The following BBS9 variants were observed in gnomAD, a reference collection of about 807,000 sequenced individuals.
BBS9 encodes protein PTHB1.
In BBS9, 89 loss-of-function variants were observed where a neutral mutation model predicts 117.7. The ratio of observed to expected loss-of-function variants is 0.76; its 90% CI spans 0.64 to 0.90. BBS9 has a LOEUF of 0.90. Ranked by LOEUF, BBS9 falls within the 40% of genes least tolerant of loss-of-function variation. The pLI is 0.00. For missense variants in BBS9, 982 were observed against 1,042.2 expected, an observed-to-expected ratio of 0.94 and a Z score of 0.80; for synonymous variants, 379 against 370.9, an observed-to-expected ratio of 1.02 and a Z score of -0.25.
At chr7:33,387,059 T>C (rs1826165940) in intron 18 of BBS9, among the ~76,000 whole-genome samples, 1 of 152,222 alleles carries the variant, frequency 6.6e-6, no homozygotes. Flanking sequence ...TTGCACAGCA[T>C]TGCATATCAG....
chr7:33,174,465 A>G (rs1197702855), intron 4 of BBS9, among the ~76,000 whole-genome samples: 1 of 152,254 alleles, frequency 6.6e-6, no homozygotes, highest in Non-Finnish European at 1.5e-5. Flanking sequence ...GTGCAGCCAC[A>G]TAGTAGAAGA....
At chr7:33,336,363 T>G in intron 9 of BBS9, 78 bp from the exon 10 acceptor site, 1 of 1,074,758 alleles carries the variant, frequency 9.3e-7, no homozygotes, top group Admixed American at 1.9e-5. Flanking sequence ...TGATGCTGAA[T>G]TGAGTAAAAA....
At chr7:33,488,878 A>C (rs762328018) in intron 19 of BBS9, among the ~76,000 whole-genome samples, 1 of 152,104 alleles carries the variant, frequency 6.6e-6, no homozygotes, top group Non-Finnish European at 1.5e-5. Context: ...AGTAGTTTTC[A>C]TATGAGGGAA....
At chr7:33,498,538 G>A (rs1408423503) in intron 19 of BBS9, among the ~76,000 whole-genome samples, 3 of 151,856 alleles carry the variant, frequency 2.0e-5, no homozygotes, top group South Asian at 2.1e-4. Context: ...CCAGCCCTAA[G>A]CAACTATTAA....
In BBS9 at chr7:33,340,910, G is replaced by T. The variant is rs772602748; in HGVS notation, c.1212G>T (p.Met404Ile). The T allele has an allele frequency of 2.5e-6, 4 of 1,613,454 alleles. No homozygotes were observed. The South Asian group carries it at 4.4e-5, about 18-fold the overall frequency. Reference protein sequence around the residue: ...DVNKSQGVWPMTEREDDLNVS... With the variant: ...DVNKSQGVWPITEREDDLNVS... ...TTTAAATCACAGGTGTTTGGCCCAT[G>T]ACTGAGAGAGAAGATGACTTGAACG... Residue 404 changes from methionine (M) to isoleucine (I), a missense_variant, in exon 11 of 23, where the codon ATG becomes ATT. Coordinates refer to ENST00000242067, the MANE Select transcript of BBS9 (RefSeq NM_198428.3).
chr7:33,137,342 G>A (rs1790668806), intron 1 of BBS9, among the ~76,000 whole-genome samples: 1 of 152,152 alleles, frequency 6.6e-6, no homozygotes, highest in African/African-American at 2.4e-5. Flanking sequence ...GACAGTGCAG[G>A]GATGCTTGGG....
chr7:33,336,849 G>A (rs1232543325), intron 10 of BBS9, among the ~76,000 whole-genome samples: 1 of 152,108 alleles, frequency 6.6e-6, no homozygotes, highest in African/African-American at 2.4e-5. Flanking sequence ...TGTTGTTAAT[G>A]TTTCATGGAC....
chr7:33,601,814 TCC>T (rs1863839367), intron 21 of BBS9, among the ~76,000 whole-genome samples: 1 of 152,148 alleles, frequency 6.6e-6, no homozygotes, highest in South Asian at 2.1e-4. Flanking sequence ...CCCCTTGATC[TCC>T]CAGTGTCTTG....
At chr7:33,515,072 C>A (rs1227687549) in intron 20 of BBS9, among the ~76,000 whole-genome samples, 4 of 152,094 alleles carry the variant, frequency 2.6e-5, no homozygotes, top group Non-Finnish European at 4.4e-5. Flanking sequence ...TGTATGACAA[C>A]AATGCCATCT....
At chr7:33,172,497 C>G (rs763162832) in intron 4 of BBS9, among the ~76,000 whole-genome samples, 5 of 152,150 alleles carry the variant, frequency 3.3e-5, no homozygotes, top group Non-Finnish European at 7.4e-5. Flanking sequence ...CACAGTCAAT[C>G]AAGCAAATAT....
chr7:33,389,572 C>G (rs1356136755), intron 19 of BBS9, among the ~76,000 whole-genome samples: 1 of 151,474 alleles, frequency 6.6e-6, no homozygotes, highest in African/African-American at 2.4e-5. Context: ...ACCCATAATC[C>G]CAGCTACTCG....
At chr7:33,511,187 A>T (rs1846906020) in intron 20 of BBS9, among the ~76,000 whole-genome samples, 1 of 152,130 alleles carries the variant, frequency 6.6e-6, no homozygotes, top group African/African-American at 2.4e-5. Context: ...ACTGTCACTT[A>T]GAGTTGGTAT....
chr7:33,596,391 C>CTAGCTATA (rs1862809671), intron 21 of BBS9, among the ~76,000 whole-genome samples: 1 of 150,410 alleles, frequency 6.6e-6, no homozygotes, highest in African/African-American at 2.5e-5. Flanking sequence ...ATCTATCTAT[C>CTAGCTATA]TATATATAAT....
At chr7:33,557,679 G>T (rs1470139457) in intron 21 of BBS9, among the ~76,000 whole-genome samples, 4 of 152,186 alleles carry the variant, frequency 2.6e-5, no homozygotes, top group Non-Finnish European at 5.9e-5. Flanking sequence ...ATCTGCACAT[G>T]AATTTGTGGC....
At chr7:33,426,595 G>A (rs1011345850) in intron 19 of BBS9, among the ~76,000 whole-genome samples, 1 of 151,976 alleles carries the variant, frequency 6.6e-6, no homozygotes, top group Admixed American at 6.6e-5. Flanking sequence ...TTGAAGCACT[G>A]CATTCTGTGT....
At chr7:33,584,859 G>A (rs182258656) in intron 21 of BBS9, among the ~76,000 whole-genome samples, 6 of 152,114 alleles carry the variant, frequency 3.9e-5, no homozygotes, top group Admixed American at 3.9e-4. Context: ...TTCTACCACT[G>A]TCCAGCATCT....
chr7:33,601,182 C>T (rs1863737260), intron 21 of BBS9, among the ~76,000 whole-genome samples: 1 of 152,204 alleles, frequency 6.6e-6, no homozygotes, highest in African/African-American at 2.4e-5. Context: ...GAGTGCTCAG[C>T]ACACAGTAGG....
At chr7:33,225,496 T>C (rs941418469) in intron 5 of BBS9, among the ~76,000 whole-genome samples, 9 of 152,162 alleles carry the variant, frequency 5.9e-5, no homozygotes, top group Non-Finnish European at 1.2e-4. Context: ...ACTGCACTCA[T>C]CTGAAGTTAT....
At chr7:33,505,370 G>C in intron 19 of BBS9, 93 bp from the exon 20 acceptor site, 1 of 1,206,396 alleles carries the variant, frequency 8.3e-7, no homozygotes. Context: ...TCATCAAGTT[G>C]TCTTGAAGAA....
Sources: gnomAD v4.1 joint callset for allele counts (sites outside exome capture counted in the v4.1 genomes callset) on GRCh38, gnomAD v4.1.1 for gene constraint, MANE v1.5 for transcripts, NCBI Gene and HGNC (gene_info 2026-07-23, HGNC 2026-07-21) for gene names.